CRTC1: variants seen among roughly 807,000 people sequenced by gnomAD.
CRTC1 encodes CREB-regulated transcription coactivator 1.
Under a neutral mutation model 66.1 loss-of-function variants are expected in CRTC1, and 18 were observed. The observed-to-expected ratio is 0.27, with a 90% CI of 0.19 to 0.40. The LOEUF (loss-of-function observed/expected upper bound fraction) is 0.40. Ranked by LOEUF, CRTC1 falls within the 10% of genes least tolerant of loss-of-function variation. The pLI, the probability that CRTC1 is intolerant of heterozygous loss-of-function variation, is 1.00. For synonymous variants in CRTC1, 416 were observed against 398.8 expected, an observed-to-expected ratio of 1.04 and a Z score of -0.51; for missense variants, 669 against 887.9, an observed-to-expected ratio of 0.75 and a Z score of 3.13.
At chr19:18,718,672 C>G (rs2053559238) in intron 1 of CRTC1, among the ~76,000 whole-genome samples, 1 of 152,148 alleles carries the variant, frequency 6.6e-6, no homozygotes, top group South Asian at 2.1e-4. Context: ...GAATCTTATT[C>G]CACTGTATGG....
At chr19:18,724,248 C>T (rs1293819765) in intron 1 of CRTC1, among the ~76,000 whole-genome samples, 4 of 151,958 alleles carry the variant, frequency 2.6e-5, no homozygotes, top group African/African-American at 9.7e-5. Flanking sequence ...TGTGTGGGTG[C>T]GTGGGGTGTT....
intron 13 of CRTC1, among the ~76,000 whole-genome samples, chr19:18,776,275 G>A (rs945220404): frequency 2.0e-5 from 3 of 152,206 alleles, no homozygotes; most frequent in African/African-American, 2.4e-5. Context: ...TGACAACCAC[G>A]CCCAAGCAGT....
chr19:18,774,921 G>T lies in CRTC1; in HGVS notation c.1447G>T (p.Val483Leu). ...SPQHTSTLGS[V>L]FGDAYYEQQM... is the part of the protein sequence containing the mutation. ...GCAGCACACTTCCACCCTGGGCAGCGTGTTTGGGGACGCGTACTATGAGCA... is the reference window on the plus strand; with the variant it reads ...GCAGCACACTTCCACCCTGGGCAGCTTGTTTGGGGACGCGTACTATGAGCA... The change falls in exon 12 of 14, where the codon GTG becomes TTG. Residue 483 changes from valine to leucine, a missense_variant. Around this residue, in one of 8 missense-constraint regions of CRTC1, gnomAD observed 79 missense variants for 100.1 expected, o/e 0.79. Transcript: ENST00000321949. 1 of 1,610,932 alleles carries T rather than the reference G, an allele frequency of 6.2e-7. No homozygotes were observed. Among genetic ancestry groups the T allele is most frequent in the Non-Finnish European group, 8.5e-7 (1 of 1,180,004 alleles).
At chr19:18,752,015 T>G (rs745940296) in intron 5 of CRTC1, among the ~76,000 whole-genome samples, 3 of 151,790 alleles carry the variant, frequency 2.0e-5, no homozygotes, top group Non-Finnish European at 2.9e-5. Context: ...AATATAAAAA[T>G]TAGCTGGGCT....
chr19:18,764,758 C>T (rs11879043), intron 8 of CRTC1, among the ~76,000 whole-genome samples: 4,046 of 152,232 alleles, frequency 0.027, 198 homozygotes, highest in African/African-American at 0.091. Context: ...GAGGAAGTGG[C>T]TGTGGGACAT....
At chr19:18,752,229 C>T (rs2054380307) in intron 5 of CRTC1, among the ~76,000 whole-genome samples, 1 of 152,090 alleles carries the variant, frequency 6.6e-6, no homozygotes, top group Non-Finnish European at 1.5e-5. Flanking sequence ...TGGCTGTTCT[C>T]TGTAGCCTGA....
rs550544188 is a variant in CRTC1, at chr19:18,741,377, C to T, written c.127-1533C>T. Among the ~76,000 whole-genome samples, 10 of 152,310 alleles carry T rather than the reference C, an allele frequency of 6.6e-5. No homozygotes were observed. The highest frequency in any genetic ancestry group is 1.7e-4 in the African/African-American group (7 of 41,576). On this transcript the variant is annotated intron_variant, in intron 1 of 13. Coordinates refer to ENST00000321949, the MANE Select transcript of CRTC1 (RefSeq NM_015321.3). This position sits in a 1 kb window ranked among gnomAD's most constrained non-coding sequence, Gnocchi z 4.2. ...ACACGTCGTGTGTCCCTCTCACACC[C>T]GCCTGTAGCACTCACTCTAGGTCGG...
chr19:18,704,188 C>G (rs1006967687), intron 1 of CRTC1, among the ~76,000 whole-genome samples: 1 of 152,150 alleles, frequency 6.6e-6, no homozygotes, highest in Non-Finnish European at 1.5e-5. Context: ...GCAGTGCTCA[C>G]TGCAGCCAGG....
At chr19:18,717,757 A>G (rs1402805596) in intron 1 of CRTC1, among the ~76,000 whole-genome samples, 2 of 152,066 alleles carry the variant, frequency 1.3e-5, no homozygotes, top group African/African-American at 2.4e-5. Context: ...CCGCAGGGAC[A>G]TGGGAGGGCC....
chr19:18,716,206 G>A (rs2053503431), intron 1 of CRTC1, among the ~76,000 whole-genome samples: 1 of 152,018 alleles, frequency 6.6e-6, no homozygotes, highest in Non-Finnish European at 1.5e-5. Flanking sequence ...GGGGACATCA[G>A]CCTGAGGGTC....
chr19:18,722,942 TAC>T (rs2145636190), intron 1 of CRTC1, among the ~76,000 whole-genome samples: 1 of 152,256 alleles, frequency 6.6e-6, no homozygotes, highest in African/African-American at 2.4e-5. Context: ...GGATCAGTGC[TAC>T]AGTCTTTTTT....
rs755688659 is a variant in CRTC1 at position 18,768,487 on chromosome 19, T to C, written c.1014T>C (p.Ala338=). ...TLSPLSPITQ[A]VAMDALSLEQ... ...CCTGACGCTCTCCTCTCCTGCAGGC[T>C]GTAGCCATGGACGCCCTGTCTCTGG... The change falls in exon 10 of 14, where the codon GCT becomes GCC. Residue 338 remains alanine (A), a splice_region_variant and synonymous_variant. Transcript: ENST00000321949. This position sits in a 1 kb window ranked among gnomAD's most constrained non-coding sequence, Gnocchi z 5.6. 28 of 1,608,750 alleles carry C rather than the reference T, an allele frequency of 1.7e-5. No individual in the cohort carries two copies. Among genetic ancestry groups the C allele is most frequent in the Non-Finnish European group, 2.2e-5 (26 of 1,179,134 alleles).
chr19:18,732,362 A>T (rs906937019), intron 1 of CRTC1, among the ~76,000 whole-genome samples: 2 of 151,356 alleles, frequency 1.3e-5, no homozygotes, highest in Non-Finnish European at 2.9e-5. Context: ...CCATTCGAGG[A>T]CTCAGAAGGT....
chr19:18,726,289 C>T (rs998236562), intron 1 of CRTC1, among the ~76,000 whole-genome samples: 5 of 152,236 alleles, frequency 3.3e-5, no homozygotes, highest in Admixed American at 6.5e-5. Context: ...GCACCGCTGA[C>T]GTGTGCCGGC....
At chr19:18,691,838 C>T (rs1012525913) in intron 1 of CRTC1, among the ~76,000 whole-genome samples, 5 of 152,148 alleles carry the variant, frequency 3.3e-5, no homozygotes, top group Middle Eastern at 3.4e-3. Context: ...CTCAGCCTCC[C>T]GAGTAACTGG....
chr19:18,779,347 G>A lies in CRTC1; in HGVS notation c.*1965G>A, dbSNP rs1021501174. 4 of 226,994 alleles carry A rather than the reference G, an allele frequency of 1.8e-5. No homozygotes were observed. Among genetic ancestry groups the A allele is most frequent in the African/African-American group, 4.4e-5 (2 of 44,944 alleles). 14.1% of individuals were successfully genotyped at this position (226,994 alleles called of 1,614,324 possible). A position where few individuals can be genotyped will look rare whatever the true frequency, so the allele number is the denominator to read the frequency against. ...TCATAGGAGAAGGCTCCCTGGTCACGTTGCTCCTGCTGCCGTCTTGTTCCA... is the reference window on the plus strand; with the variant it reads ...TCATAGGAGAAGGCTCCCTGGTCACATTGCTCCTGCTGCCGTCTTGTTCCA... On this transcript the variant is annotated 3_prime_UTR_variant, in exon 14 of 14. Coordinates refer to ENST00000321949, the MANE Select transcript of CRTC1 (RefSeq NM_015321.3).
intron 1 of CRTC1, among the ~76,000 whole-genome samples, chr19:18,723,590 T>C (rs1325621426): frequency 6.6e-6 from 1 of 152,246 alleles, no homozygotes; most frequent in Non-Finnish European, 1.5e-5. Context: ...GGACCCCAGG[T>C]CCAGTATGGG....
At chr19:18,728,953 C>T (rs1325922056) in intron 1 of CRTC1, among the ~76,000 whole-genome samples, 2 of 150,382 alleles carry the variant, frequency 1.3e-5, no homozygotes, top group African/African-American at 4.9e-5. Context: ...CCTGGCATTA[C>T]AGGTGCCTGC....
chr19:18,768,223 C>T lies in CRTC1; in HGVS notation c.1012-262C>T, dbSNP rs956773476. 2.0e-5 allele frequency among the ~76,000 whole-genome samples: 3 copies of T among 152,182 alleles called. No individual in the cohort carries two copies. The highest frequency in any genetic ancestry group is 4.8e-5 in the African/African-American group (2 of 41,438). ...AGCTGGTGGACTGGCCTGAGCTGCACGGCATGTAGTGCGGGTGCAGGCACA... is the reference window on the plus strand; with the variant it reads ...AGCTGGTGGACTGGCCTGAGCTGCATGGCATGTAGTGCGGGTGCAGGCACA... On this transcript the variant is annotated intron_variant, in intron 9 of 13. Coordinates refer to ENST00000321949, the MANE Select transcript of CRTC1 (RefSeq NM_015321.3). This position sits in a 1 kb window ranked among gnomAD's most constrained non-coding sequence, Gnocchi z 5.6.
Sources: gnomAD v4.1 joint callset for allele counts (sites outside exome capture counted in the v4.1 genomes callset) on GRCh38, gnomAD v4.1.1 for gene constraint, gnomAD v4.1.1 regional missense constraint, Gnocchi (gnomAD v3.1) non-coding constraint, MANE v1.5 for transcripts, NCBI Gene and HGNC (gene_info 2026-07-23, HGNC 2026-07-21) for gene names.